The following EMC1 variants were observed in gnomAD, a reference collection of about 807,000 sequenced individuals.
The protein encoded by EMC1 is KIAA0090.
Under a neutral mutation model 128.8 loss-of-function variants are expected in EMC1, and 103 were observed. The ratio of observed to expected loss-of-function variants is 0.80; its 90% confidence interval spans 0.68 to 0.94. The LOEUF is 0.94. Among genes scored for constraint, EMC1 ranks in the 40% least tolerant of loss-of-function variants. The probability of loss-of-function intolerance (pLI) is 0.00; values close to 1 mark genes in which losing one functional copy is unlikely to be tolerated. For missense variants in EMC1, 1,083 were observed against 1,250.6 expected (o/e 0.87, Z 2.02); for synonymous variants, 442 against 490.4 (o/e 0.90, Z 1.30).
chr1:19,225,194 A>G (rs1186089292), intron 18 of EMC1, among the ~76,000 whole-genome samples: 1 of 152,214 alleles, frequency 6.6e-6, no homozygotes, highest in Non-Finnish European at 1.5e-5. Flanking sequence ...TGTCTAAATG[A>G]GTGCCTGCAT....
At chr1:19,227,568 T>C in intron 17 of EMC1, 118 bp from the exon 18 acceptor site, 1 of 1,204,192 alleles carries the variant, frequency 8.3e-7, no homozygotes, top group Non-Finnish European at 1.2e-6. Flanking sequence ...GGAATAGAGA[T>C]CAGAACTAGA....
chr1:19,248,749 C>T (rs1424698935), intron 1 of EMC1, among the ~76,000 whole-genome samples: 1 of 151,474 alleles, frequency 6.6e-6, no homozygotes, highest in Non-Finnish European at 1.5e-5. Flanking sequence ...GGACTCAAGC[C>T]ATCCACCCAC....
intron 11 of EMC1, among the ~76,000 whole-genome samples, chr1:19,237,546 T>C (rs2093575057): frequency 6.6e-6 from 1 of 152,036 alleles, no homozygotes; most frequent in African/African-American, 2.4e-5. Context: ...GACTTTCCGC[T>C]TTAGAAACGA....
chr1:19,247,813 T>C (rs142726428), intron 1 of EMC1, among the ~76,000 whole-genome samples: 2,988 of 152,196 alleles, frequency 0.02, 41 homozygotes, highest in South Asian at 0.053. Flanking sequence ...TCACCTGAGG[T>C]CAGGAGTTCA....
At position 19,244,945 on chromosome 1, in the gene EMC1, TC is replaced by T; in HGVS notation, c.180del (p.Asn61MetfsTer2). 2 of 1,613,926 alleles carry T rather than the reference TC, an allele frequency of 1.2e-6. No homozygotes were observed. Among genetic ancestry groups the T allele is most frequent in the South Asian group, 1.1e-5 (1 of 91,068 alleles). The part of the protein sequence containing the change: ...GSKKLVVATE[K>X]NVIAALNSRT... ...CGGGAATTTAATGCTGCAATCACATTCTTCTCTGTGGCTACAACCAACTTCT... is the reference window on the plus strand; with the variant it reads ...CGGGAATTTAATGCTGCAATCACATTTTCTCTGTGGCTACAACCAACTTCT... On this transcript the variant is annotated frameshift_variant, in exon 2 of 23. Transcript: ENST00000477853. LOFTEE classifies it high-confidence loss of function.
chr1:19,249,149 G>A (rs1438279580), intron 1 of EMC1, among the ~76,000 whole-genome samples: 3 of 152,176 alleles, frequency 2.0e-5, no homozygotes, highest in Admixed American at 6.5e-5. Flanking sequence ...GTTACATTAA[G>A]CTAAGGTTAA....
Position 19,239,930 on chromosome 1 carries a change from G to A in EMC1, c.842C>T (p.Pro281Leu). 2 of 1,614,026 alleles carry A rather than the reference G, an allele frequency of 1.2e-6. No homozygotes were observed. The highest frequency in any genetic ancestry group is 2.2e-5 in the East Asian group (1 of 44,876). ...GGCCCGGGAAGCGTCCACTGGGTTG[G>A]GCTGGGTAGGCAGGACCCGGGGTTG... ...GFQPRVLPTQ[P>L]NPVDASRAQF... Residue 281 changes from proline (P) to leucine (L), a missense_variant, in exon 8 of 23, where the codon CCC (proline) becomes CTC (leucine). Pro to Leu is a moderately conservative substitution (Grantham distance 98, BLOSUM62 -3). Transcript: ENST00000477853.
intron 8 of EMC1, 142 bp downstream of exon 8, chr1:19,239,676 C>A: frequency 1.3e-6 from 1 of 777,982 alleles, no homozygotes; most frequent in Non-Finnish European, 2.1e-6. Context: ...GGCTACCTAC[C>A]CCCTCTCAAA....
intron 1 of EMC1, among the ~76,000 whole-genome samples, chr1:19,250,218 C>CAAAA (rs55743743): frequency 1.2e-4 from 6 of 48,232 alleles, no homozygotes; most frequent in African/African-American, 5.2e-4. Context: ...AAAACTGTCT[C>CAAAA]AAAAAAAAAA....
intron 13 of EMC1, chr1:19,234,093 G>T: frequency 4.3e-6 from 3 of 695,086 alleles, no homozygotes; most frequent in African/African-American, 1.9e-5. Context: ...GTACCTCATT[G>T]GTCCAAGTTA....
rs1429337899 is a variant in EMC1 at position 19,242,451 on chromosome 1, C to A, written c.403G>T (p.Gly135Cys). ...SGSFQALGLV[G>C]LQESVRYIAV... Reference sequence around the variant, plus strand: ...ATGTACCTTACAGACTCCTGCAGGCCAACCAGCCCAAGTGCCTGGAAACTG... The same window carrying A: ...ATGTACCTTACAGACTCCTGCAGGCAAACCAGCCCAAGTGCCTGGAAACTG... The change falls in exon 5 of 23, where the codon GGC becomes TGC. Residue 135 changes from glycine (G) to cysteine (C), a missense_variant. By Grantham distance (159) the Gly-to-Cys change is radical. Around this residue, in one of 3 missense-constraint regions of EMC1, gnomAD observed 544 missense variants for 572.4 expected, o/e 0.95. Transcript: ENST00000477853. 6.2e-7 allele frequency: 1 copy of A among 1,614,100 alleles called. No homozygotes were observed. The highest frequency in any genetic ancestry group is 2.2e-5 in the East Asian group (1 of 44,880).
Position 19,240,386 on chromosome 1 carries a change from C to T in EMC1, c.697G>A (p.Ala233Thr). The T allele has an allele frequency of 6.2e-7, 1 of 1,614,202 alleles. No homozygotes were observed. The highest frequency in any genetic ancestry group is 8.5e-7 in the Non-Finnish European group (1 of 1,180,028). ...CTCGGGTCAGGACACACCAGGACAG[C>T]CTCATCCACCACACCACAGGCTCCA... Reference protein sequence around the residue: ...LSGACGVVDEAVLVCPDPSSR... With the variant: ...LSGACGVVDETVLVCPDPSSR... The change falls in exon 7 of 23, where the codon GCT (alanine) becomes ACT (threonine). Residue 233 changes from alanine to threonine, a missense_variant. Ala to Thr is a moderately conservative substitution (Grantham distance 58). Coordinates refer to ENST00000477853, the MANE Select transcript of EMC1 (RefSeq NM_015047.3).
intron 18 of EMC1, among the ~76,000 whole-genome samples, chr1:19,226,436 G>A (rs1340333172): frequency 6.6e-6 from 1 of 151,912 alleles, no homozygotes; most frequent in African/African-American, 2.4e-5. Context: ...AGGCAACATA[G>A]TGAGACCCTG....
At chr1:19,220,913 T>TCTGCAATAATGA in intron 20 of EMC1, 65 bp from the exon 21 acceptor site, 1 of 1,179,466 alleles carries the variant, frequency 8.5e-7, no homozygotes, top group Non-Finnish European at 1.2e-6. Context: ...TACAAAAATG[T>TCTGCAATAATGA]CATTATTGCA....
rs564945567 is a variant in EMC1, at chr1:19,244,798, A to C, written c.220+108T>G. 3.5e-5 allele frequency: 46 copies of C among 1,296,976 alleles called. No individual in the cohort carries two copies. In the East Asian group the frequency reaches 5.1e-4, roughly 14 times the overall value. The allele number at this position is 1,296,976 out of a possible 1,614,324, so 80.3% of individuals were successfully genotyped here. ...AGTATCAGAATCCACTAGGAGAGGC[A>C]TCTTTTGGCCAACATGTTCCTTATT... is the stretch of plus-strand genomic sequence containing the variant. On this transcript the variant is annotated intron_variant, in intron 2 of 22. Transcript: ENST00000477853.
In EMC1 at chr1:19,240,696, T is replaced by A. The variant is rs1299750511; in HGVS notation, c.637-250A>T. The stretch of plus-strand genomic sequence containing the variant: ...GAAAAATATATCCGATAATTTTAAA[T>A]ACCTGGCACTTCAGAATCAGCACTT... On this transcript the variant is annotated intron_variant, in intron 6 of 22. Coordinates refer to ENST00000477853, the MANE Select transcript of EMC1 (RefSeq NM_015047.3). The A allele has an allele frequency of 3.3e-5, 19 of 574,538 alleles. No individual in the cohort carries two copies. In the Admixed American group the frequency reaches 5.7e-4, roughly 17 times the overall value. The allele number at this position is 574,538 out of a possible 1,614,324, so 35.6% of individuals were successfully genotyped here.
chr1:19,238,200 G>A (rs1176229547), intron 10 of EMC1, 61 bp from the exon 11 acceptor site: 2 of 1,586,144 alleles, frequency 1.3e-6, no homozygotes, highest in East Asian at 4.5e-5. Flanking sequence ...GCCCACCAAA[G>A]GAAGTCCAAG....
rs1480520774 is a variant in EMC1 at position 19,216,875 on chromosome 1, T to C, written c.*2428A>G. On this transcript the variant is annotated 3_prime_UTR_variant, in exon 23 of 23. Transcript: ENST00000477853. ...CCGGCTAATTTTTTTTTATTTTTTG[T>C]AGATAGAGTCTTGCTATGTTGCCCA... 4.6e-5 allele frequency: 7 copies of C among 152,018 alleles called. No homozygotes were observed. The allele number at this position is 152,018 out of a possible 1,614,324, so 9.4% of individuals were successfully genotyped here.
chr1:19,222,630 G>C lies in EMC1; in HGVS notation c.2581C>G (p.Leu861Val). 6.2e-7 allele frequency: 1 copy of C among 1,613,616 alleles called. No homozygotes were observed. The highest frequency in any genetic ancestry group is 8.5e-7 in the Non-Finnish European group (1 of 1,179,924). The change falls in exon 20 of 23, where the codon CTG becomes GTG. Residue 861 changes from leucine to valine, a missense_variant. By Grantham distance (32) the Leu-to-Val change is conservative. Around this residue, in one of 3 missense-constraint regions of EMC1, gnomAD observed 527 missense variants for 644.1 expected, o/e 0.82. Transcript: ENST00000477853. The part of the protein sequence containing the change: ...ITERGITSRH[L>V]LIGLPSGAIL... ...AGGCTCCCCAGTCACTCACTCAGCAGGTGTCGGCTGGTGATGCCCCGTTCG... is the reference window on the plus strand; with the variant it reads ...AGGCTCCCCAGTCACTCACTCAGCACGTGTCGGCTGGTGATGCCCCGTTCG...
Sources: gnomAD v4.1 joint callset for allele counts (sites outside exome capture counted in the v4.1 genomes callset) on GRCh38, gnomAD v4.1.1 for gene constraint, gnomAD v4.1.1 regional missense constraint, MANE v1.5 for transcripts, NCBI Gene and HGNC (gene_info 2026-07-23, HGNC 2026-07-21) for gene names.